YAE1: variants seen among roughly 807,000 people sequenced by gnomAD.
The protein encoded by YAE1 is protein YAE1 homolog.
A neutral mutation model predicts 23.0 loss-of-function variants in YAE1; 22 were observed. That is an observed-to-expected ratio of 0.96 (90% CI 0.68 to 1.37). YAE1 has a LOEUF of 1.37. Among genes scored for constraint, YAE1 ranks in the 40% most tolerant of loss-of-function variants. YAE1 has a pLI of 0.00. For synonymous variants in YAE1, 101 were observed against 97.0 expected, an observed-to-expected ratio of 1.04 and a Z score of -0.24; for missense variants, 260 against 262.1, an observed-to-expected ratio of 0.99 and a Z score of 0.06.
chr7:39,580,953 A>G (rs530346161), intron 2 of YAE1, among the ~76,000 whole-genome samples: 24 of 152,324 alleles, frequency 1.6e-4, no homozygotes, highest in Admixed American at 1.2e-3. Context: ...AATCAGAAGC[A>G]ATGTAAAATT....
At chr7:39,573,352 A>T (rs959529626), downstream of YAE1, among the ~76,000 whole-genome samples, 1 of 152,254 alleles carries the variant, frequency 6.6e-6, no homozygotes, top group Non-Finnish European at 1.5e-5. Context: ...TTTTCTAAGT[A>T]GTAAGGAGTT....
At chr7:39,584,074 CAG>C (rs1356994988) in intron 2 of YAE1, among the ~76,000 whole-genome samples, 71 of 152,292 alleles carry the variant, frequency 4.7e-4, no homozygotes, top group African/African-American at 1.7e-3. Context: ...TGCCATGACT[CAG>C]ACACAGCCAA....
intron 2 of YAE1, among the ~76,000 whole-genome samples, chr7:39,594,041 T>C (rs566374076): frequency 2.0e-5 from 3 of 152,358 alleles, no homozygotes; most frequent in East Asian, 3.9e-4. Context: ...AACTCTGTTA[T>C]GTTCTTCTCA....
intron 2 of YAE1, among the ~76,000 whole-genome samples, chr7:39,579,247 A>G (rs1221892839): frequency 6.6e-6 from 1 of 152,192 alleles, no homozygotes; most frequent in Non-Finnish European, 1.5e-5. Context: ...AAGGCTAAGT[A>G]ATGTGTCCAG....
intron 2 of YAE1, among the ~76,000 whole-genome samples, chr7:39,582,555 A>G (rs547592916): frequency 1.3e-5 from 2 of 152,328 alleles, no homozygotes; most frequent in South Asian, 2.1e-4. Flanking sequence ...ATAGGCCAAT[A>G]TGAGGTCTGT....
At chr7:39,601,877 A>G (rs1005646030) in intron 2 of YAE1, among the ~76,000 whole-genome samples, 8 of 152,152 alleles carry the variant, frequency 5.3e-5, no homozygotes, top group Non-Finnish European at 1.2e-4. Context: ...TAGATTTGAC[A>G]TTGATATGAA....
At chr7:39,583,911 C>T (rs1790779040) in intron 2 of YAE1, among the ~76,000 whole-genome samples, 1 of 152,222 alleles carries the variant, frequency 6.6e-6, no homozygotes, top group South Asian at 2.1e-4. Flanking sequence ...GCACTTAGGA[C>T]ACTGCCTGCT....
At chr7:39,589,109 A>C (rs888506442) in intron 2 of YAE1, among the ~76,000 whole-genome samples, 1 of 152,128 alleles carries the variant, frequency 6.6e-6, no homozygotes, top group East Asian at 1.9e-4. Context: ...GGTGTGAGCC[A>C]CCACACCTGG....
At position 39,572,318 on chromosome 7, in the gene YAE1, C is replaced by A. The variant is rs1272696009; in HGVS notation, c.293C>A (p.Thr98Asn). Residue 98 changes from threonine (T) to asparagine (N), a missense_variant, in exon 3 of 3, where the codon ACT becomes AAT. Transcript: ENST00000223273. ...SWCHLHNNNS[T>N]LINKINNLLD... ...TGTCACCTTCATAATAATAATTCAA[C>A]TTTGATCAATAAAATAAACAATCTT... 1 of 1,613,810 alleles carries A rather than the reference C, an allele frequency of 6.2e-7. No homozygotes were observed. The highest frequency in any genetic ancestry group is 1.1e-5 in the South Asian group (1 of 91,014).
chr7:39,599,099 G>C (rs920301838), intron 2 of YAE1, among the ~76,000 whole-genome samples: 5 of 151,964 alleles, frequency 3.3e-5, no homozygotes, highest in African/African-American at 1.2e-4. Context: ...AACTGGCGAG[G>C]CGAGGTGGTG....
Position 39,588,773 on chromosome 7 carries a change from C to G in YAE1, c.251+18146C>G, listed in dbSNP as rs575206416. On this transcript the variant is annotated intron_variant, in intron 2 of 2. Coordinates refer to the YAE1 transcript ENST00000432096. ...CCTTCTGAGTTTTAAAGAAATCACACTTGATTTTAGAATTTACTTTAAAAA... is the reference window on the plus strand; with the variant it reads ...CCTTCTGAGTTTTAAAGAAATCACAGTTGATTTTAGAATTTACTTTAAAAA... Among the ~76,000 whole-genome samples, 18 of 151,944 alleles carry G rather than the reference C, an allele frequency of 1.2e-4. No homozygotes were observed. In the South Asian group the frequency reaches 3.5e-3, roughly 30 times the overall value.
At chr7:39,611,937 T>A (rs1157190325), downstream of YAE1, among the ~76,000 whole-genome samples, 1 of 152,222 alleles carries the variant, frequency 6.6e-6, no homozygotes, top group Non-Finnish European at 1.5e-5. Context: ...TCAAATGGCT[T>A]AGAGATAGTC....
intron 2 of YAE1, among the ~76,000 whole-genome samples, chr7:39,606,421 T>G (rs1419611706): frequency 6.6e-6 from 1 of 152,236 alleles, no homozygotes; most frequent in African/African-American, 2.4e-5. Flanking sequence ...AGAAACCTCA[T>G]GTACATTCAA....
chr7:39,607,200 G>A (rs1036859403), intron 2 of YAE1, among the ~76,000 whole-genome samples: 2 of 151,998 alleles, frequency 1.3e-5, no homozygotes, highest in Admixed American at 6.5e-5. Flanking sequence ...TGTTCACTGT[G>A]GTCGATAGAA....
downstream of YAE1, among the ~76,000 whole-genome samples, chr7:39,577,687 A>C (rs1790675742): frequency 6.6e-6 from 1 of 152,070 alleles, no homozygotes; most frequent in Admixed American, 6.5e-5. Context: ...CCTCACCCCC[A>C]CTGTGGGCTC....
chr7:39,579,069 G>C lies in YAE1; in HGVS notation c.251+8442G>C, dbSNP rs147266113. ...TAGTTCTAATAACAGTAAGGAGCTG[G>C]AGGAAAAAGAGAGGGGAAGTAATGG... On this transcript the variant is annotated intron_variant, in intron 2 of 2. Transcript: ENST00000432096. Among the ~76,000 whole-genome samples the C allele has an allele frequency of 3.0e-4, 45 of 152,306 alleles. No homozygotes were observed. In the East Asian group the frequency reaches 8.7e-3, roughly 29 times the overall value.
At chr7:39,585,828 G>T (rs1790806765) in intron 2 of YAE1, among the ~76,000 whole-genome samples, 1 of 152,176 alleles carries the variant, frequency 6.6e-6, no homozygotes, top group Non-Finnish European at 1.5e-5. Context: ...ATCTTGATGG[G>T]AGCGGTGGCT....
chr7:39,598,227 A>C (rs1322880731), intron 2 of YAE1, among the ~76,000 whole-genome samples: 1 of 151,994 alleles, frequency 6.6e-6, no homozygotes, highest in Non-Finnish European at 1.5e-5. Context: ...CTCCTGCCTC[A>C]GCCTCCAGAG....
intron 2 of YAE1, among the ~76,000 whole-genome samples, chr7:39,596,062 G>A (rs2329457): frequency 0.97 from 147,053 of 152,352 alleles, 71,021 homozygotes; most frequent in East Asian, 1. Context: ...AAAGGCAGTC[G>A]CACATGGTTG....
Sources: allele counts gnomAD v4.1 joint callset (sites outside exome capture counted in the v4.1 genomes callset), GRCh38; gene constraint gnomAD v4.1.1; transcripts MANE v1.5; gene names NCBI Gene and HGNC (gene_info 2026-07-23, HGNC 2026-07-21).